The following CDH24 variants were observed in gnomAD, a reference collection of about 807,000 sequenced individuals.
CDH24 encodes cadherin 24, also known as cadherin-24.
In CDH24, 61 loss-of-function variants were observed where a neutral mutation model predicts 71.2. The observed-to-expected ratio is 0.86, with a 90% CI of 0.70 to 1.06. CDH24 has a LOEUF of 1.06. Among genes scored for constraint, CDH24 ranks in the 50% least tolerant of loss-of-function variants. The probability of loss-of-function intolerance (pLI) is 0.00; values close to 1 mark genes in which losing one functional copy is unlikely to be tolerated. For synonymous variants in CDH24, 440 were observed against 470.2 expected (o/e 0.94, Z 0.83); for missense variants, 961 against 1,083.7 (o/e 0.89, Z 1.59).
rs1382085346 is a variant in CDH24, at chr14:23,048,373, G to A, written c.1953C>T (p.Gly651=). The change falls in exon 12 of 13, where the codon GGC becomes GGT. Residue 651 remains glycine (G), a synonymous_variant. Coordinates refer to ENST00000487137, the MANE Select transcript of CDH24 (RefSeq NM_144985.4). ...AGGCCTCGGTGTCCTCCTCGCCGCC[G>A]CCCTCGTCGTCGTAGGTGATGATGT... ...RENIITYDDE[G]GGEEDTEAFD... The A allele has an allele frequency of 1.2e-6, 2 of 1,612,240 alleles. No homozygotes were observed. The highest frequency in any genetic ancestry group is 1.1e-5 in the South Asian group (1 of 91,076).
Position 23,049,901 on chromosome 14 carries a change from G to A in CDH24, c.1406C>T (p.Thr469Ile). The change falls in exon 9 of 13, where the codon ACC becomes ATC. Residue 469 changes from threonine to isoleucine, a missense_variant. Thr to Ile is a moderately conservative substitution (Grantham distance 89). This residue lies in a region of CDH24 where 671 missense variants were observed against 810.9 expected (regional missense o/e 0.83). Coordinates refer to ENST00000487137, the MANE Select transcript of CDH24 (RefSeq NM_144985.4). ...QASRVQVAIQTLDENDNAPQL... is the reference protein window; with the variant it reads ...QASRVQVAIQILDENDNAPQL... ...GGGAGCATTGTCATTCTCATCCAGG[G>A]TCTGGATGGCCACTTGCACGCGCGA... The A allele has an allele frequency of 6.2e-7, 1 of 1,613,958 alleles. No homozygotes were observed. Among genetic ancestry groups the A allele is most frequent in the Non-Finnish European group, 8.5e-7 (1 of 1,179,942 alleles).
In CDH24 at chr14:23,054,841, A is replaced by G. The variant is rs1428157190; in HGVS notation, c.522T>C (p.Ala174=). The G allele has an allele frequency of 1.2e-6, 2 of 1,613,572 alleles. No individual in the cohort carries two copies. The highest frequency in any genetic ancestry group is 1.7e-6 in the Non-Finnish European group (2 of 1,179,992). ...NVGTSVIQVT[A]HDADDPSYGN... ...CATAGCTGGGGTCATCAGCATCGTG[A>G]GCAGTCACCTGGATCACTGATGTCC... The change falls in exon 4 of 13, where the codon GCT becomes GCC. Residue 174 remains alanine (A), a synonymous_variant. Coordinates refer to ENST00000487137, the MANE Select transcript of CDH24 (RefSeq NM_144985.4). This position sits in a 1 kb window ranked among gnomAD's most constrained non-coding sequence, Gnocchi z 5.2.
intron 11 of CDH24, 45 bp from the exon 12 acceptor site, chr14:23,048,524 G>A (rs2047060772): frequency 6.3e-7 from 1 of 1,588,502 alleles, no homozygotes; most frequent in African/African-American, 1.3e-5. Context: ...GCAGGGCCGG[G>A]AGCGGGCGGC....
intron 1 of CDH24, among the ~76,000 whole-genome samples, chr14:23,056,153 AGG>A (rs1333029040): frequency 6.6e-6 from 1 of 152,210 alleles, no homozygotes; most frequent in Non-Finnish European, 1.5e-5. Flanking sequence ...CTGTCCTCCC[AGG>A]TTGGGCACGT....
rs375056197 is a variant in CDH24, at chr14:23,055,075, G to C, written c.480C>G (p.Pro160=). 3 of 1,611,438 alleles carry C rather than the reference G, an allele frequency of 1.9e-6. No individual in the cohort carries two copies. Among genetic ancestry groups the C allele is most frequent in the Admixed American group, 1.7e-5 (1 of 59,980 alleles). The change falls in exon 3 of 13, where the codon CCC becomes CCG. Residue 160 remains proline (P), a synonymous_variant. Coordinates refer to ENST00000487137, the MANE Select transcript of CDH24 (RefSeq NM_144985.4). This position sits in a 1 kb window ranked among gnomAD's most constrained non-coding sequence, Gnocchi z 4.1. ...FPLGPYHATV[P]EMSNVGTSVI... ...GGTGCTCACCGACATTGGACATCTC[G>C]GGCACGGTGGCATGGTAGGGCCCAA...
At position 23,054,660 on chromosome 14, in the gene CDH24, T is replaced by C; in HGVS notation, c.630A>G (p.Thr210=). 6.2e-7 allele frequency: 1 copy of C among 1,613,974 alleles called. No individual in the cohort carries two copies. The highest frequency in any genetic ancestry group is 8.5e-7 in the Non-Finnish European group (1 of 1,179,972). ...TCTCCCGGTCCATGTTGGGGATGGC[T>C]GTACGCACCACTCCTAGGGAGAGAT... The part of the protein sequence containing the change: ...SVDPQTGVVR[T]AIPNMDRETQ... Residue 210 remains threonine (T), a synonymous_variant, in exon 5 of 13, where the codon ACA becomes ACG. Transcript: ENST00000487137. The surrounding 1 kb of genome is among the most constrained non-coding windows in gnomAD (Gnocchi z 5.2).
chr14:23,047,918 C>T lies in CDH24; in HGVS notation c.*62G>A. The T allele has an allele frequency of 2.4e-6, 3 of 1,230,044 alleles. No homozygotes were observed. The highest frequency in any genetic ancestry group is 3.1e-6 in the Non-Finnish European group (3 of 973,316). 76.2% of individuals were successfully genotyped at this position (1,230,044 alleles called of 1,614,324 possible). A position where few individuals can be genotyped will look rare whatever the true frequency, so the allele number is the denominator to read the frequency against. ...TGCCGCCCGCCTGGACCCCGTGGGG[C>T]TCACTCAGAGGGCCTGTGCCCGCTG... is the stretch of plus-strand genomic sequence containing the variant. On this transcript the variant is annotated 3_prime_UTR_variant, in exon 12 of 13. Coordinates refer to ENST00000487137, the MANE Select transcript of CDH24 (RefSeq NM_144985.4).
Position 23,054,522 on chromosome 14 carries a change from G to A in CDH24, c.768C>T (p.Pro256=). The A allele has an allele frequency of 6.2e-7, 1 of 1,613,514 alleles. No individual in the cohort carries two copies. The highest frequency in any genetic ancestry group is 8.5e-7 in the Non-Finnish European group (1 of 1,179,644). Residue 256 remains proline (P), a synonymous_variant, in exon 5 of 13, where the codon CCC becomes CCT. Coordinates refer to ENST00000487137, the MANE Select transcript of CDH24 (RefSeq NM_144985.4). This position sits in a 1 kb window ranked among gnomAD's most constrained non-coding sequence, Gnocchi z 5.2. ...TVTLSDVNDN[P]PKFPQSLYQF... ...GCCCCTTACTCTGTGGGAACTTGGG[G>A]GGGTTGTCGTTGACATCGCTGAGCG...
chr14:23,049,201 G>A lies in CDH24; in HGVS notation c.1672C>T (p.Leu558=). The part of the protein sequence containing the change: ...RHAPYLVPIE[L]WDWGQPALSS... ...AGCGCCGGCTGCCCCCAGTCCCACAGTTCTATGGGAACCAAGTAGGGGGCA... is the reference window on the plus strand; with the variant it reads ...AGCGCCGGCTGCCCCCAGTCCCACAATTCTATGGGAACCAAGTAGGGGGCA... The change falls in exon 11 of 13, where the codon CTG becomes TTG. Residue 558 remains leucine, a synonymous_variant. Transcript: ENST00000487137. The A allele has an allele frequency of 1.9e-6, 3 of 1,575,702 alleles. No individual in the cohort carries two copies. Among genetic ancestry groups the A allele is most frequent in the Non-Finnish European group, 2.6e-6 (3 of 1,159,996 alleles).
chr14:23,048,039 C>T lies in CDH24; in HGVS notation c.2287G>A (p.Gly763Ser). ...TCGGCCAGGGTGCGGAAGAGCGGAC[C>T]CCAGTCGTCCAGCGGCTCCGCGGGG... ...PGPAEPLDDW[G>S]PLFRTLAELY... is the part of the protein sequence containing the mutation. The change falls in exon 12 of 13, where the codon GGT becomes AGT. Residue 763 changes from glycine to serine, a missense_variant. Transcript: ENST00000487137. The T allele has an allele frequency of 6.9e-7, 1 of 1,449,128 alleles. No homozygotes were observed. Among genetic ancestry groups the T allele is most frequent in the Non-Finnish European group, 9.0e-7 (1 of 1,106,222 alleles). 89.8% of individuals were successfully genotyped at this position (1,449,128 alleles called of 1,614,324 possible). A position where few individuals can be genotyped will look rare whatever the true frequency, so the allele number is the denominator to read the frequency against.
Position 23,054,753 on chromosome 14 carries a change from G to T in CDH24, c.610C>A (p.Gln204Lys), listed in dbSNP as rs1447815838. 6.2e-7 allele frequency: 1 copy of T among 1,614,126 alleles called. No individual in the cohort carries two copies. Among genetic ancestry groups the T allele is most frequent in the Admixed American group, 1.7e-5 (1 of 60,026 alleles). The stretch of plus-strand genomic sequence containing the variant: ...TCCCAGGCTCCATCCTCACCAGTCT[G>T]GGGGTCCACAGAGAAGAAAGGCAGT... The part of the protein sequence containing the change: ...DGLPFFSVDP[Q>K]TGVVRTAIPN... Residue 204 changes from glutamine to lysine, a missense_variant, in exon 4 of 13, where the codon CAG (glutamine) becomes AAG (lysine). Coordinates refer to ENST00000487137, the MANE Select transcript of CDH24 (RefSeq NM_144985.4). The surrounding 1 kb of genome is among the most constrained non-coding windows in gnomAD (Gnocchi z 5.2).
Position 23,051,484 on chromosome 14 carries a change from A to G in CDH24, c.1363+989T>C, listed in dbSNP as rs960944576. ...AAATTATCTGTCCACAAATACCCAC[A>G]TACACAAAACACATACAAACAGCTA... On this transcript the variant is annotated intron_variant, in intron 8 of 12. Transcript: ENST00000487137. The surrounding 1 kb of genome is among the most constrained non-coding windows in gnomAD (Gnocchi z 4.4). Among the ~76,000 whole-genome samples, 4 of 152,252 alleles carry G rather than the reference A, an allele frequency of 2.6e-5. No homozygotes were observed. Among genetic ancestry groups the G allele is most frequent in the East Asian group, 1.9e-4 (1 of 5,208 alleles).
chr14:23,049,673 T>C lies in CDH24; in HGVS notation c.1551A>G (p.Gln517=). ...AGTTGGCATCAGGGCCCAGAGGACC[T>C]TGAAAGGAGACATGGCTACTGTTGC... ...EVGNSSHVSF[Q]GPLGPDANFT... is the part of the protein sequence containing the mutation. The change falls in exon 10 of 13, where the codon CAA becomes CAG. Residue 517 remains glutamine (Q), a synonymous_variant. Transcript: ENST00000487137. 1 of 1,609,994 alleles carries C rather than the reference T, an allele frequency of 6.2e-7. No homozygotes were observed.
At chr14:23,052,353 C>G in intron 8 of CDH24, 120 bp downstream of exon 8, 1 of 1,086,524 alleles carries the variant, frequency 9.2e-7, no homozygotes. Flanking sequence ...CAGGCTAGGA[C>G]TCAGTGGCCG....
In CDH24 at chr14:23,057,507, T is replaced by TCCGCTGCAGGTCTGAGCGGCC. The variant is rs2047148521; in HGVS notation, c.-230_-229insGGCCGCTCAGACCTGCAGCGG. The TCCGCTGCAGGTCTGAGCGGCC allele has an allele frequency of 6.6e-6, 1 of 151,626 alleles. No homozygotes were observed. The highest frequency in any genetic ancestry group is 1.5e-5 in the Non-Finnish European group (1 of 67,880). 9.4% of individuals were successfully genotyped at this position (151,626 alleles called of 1,614,324 possible). Reference sequence around the variant, plus strand: ...AGCCGATTGGAGCGGGCGCCGCGGCTCCGCTGCAGGTCTGAGCGGCCCCGG... The same window carrying TCCGCTGCAGGTCTGAGCGGCC: ...AGCCGATTGGAGCGGGCGCCGCGGCTCCGCTGCAGGTCTGAGCGGCCCCGCTGCAGGTCTGAGCGGCCCCGG... On this transcript the variant is annotated 5_prime_UTR_variant, in exon 1 of 13. Coordinates refer to ENST00000487137, the MANE Select transcript of CDH24 (RefSeq NM_144985.4). This position sits in a 1 kb window ranked among gnomAD's most constrained non-coding sequence, Gnocchi z 5.4.
At chr14:23,056,106 G>A (rs2047128032) in intron 1 of CDH24, among the ~76,000 whole-genome samples, 1 of 152,232 alleles carries the variant, frequency 6.6e-6, no homozygotes. Flanking sequence ...CACAGGAGAG[G>A]GGATGCTGGG....
Position 23,055,136 on chromosome 14 carries a change from A to C in CDH24, c.419T>G (p.Val140Gly). ...LEPPSEFIIK[V>G]QDINDNPPIF... ...GGGTGGATTGTCGTTGATGTCTTGC[A>C]CTTTGATGATGAACTCTGATGGGGG... is the stretch of plus-strand genomic sequence containing the variant. Residue 140 changes from valine to glycine, a missense_variant, in exon 3 of 13, where the codon GTG becomes GGG. By Grantham distance (109) the Val-to-Gly change is moderately radical. Transcript: ENST00000487137. The surrounding 1 kb of genome is among the most constrained non-coding windows in gnomAD (Gnocchi z 4.1). The C allele has an allele frequency of 1.2e-6, 2 of 1,614,062 alleles. No homozygotes were observed. Among genetic ancestry groups the C allele is most frequent in the Non-Finnish European group, 1.7e-6 (2 of 1,180,004 alleles).
rs1042704747 is a variant in CDH24, at chr14:23,057,351, C to G, written c.-125+52G>C. 7 of 152,000 alleles carry G rather than the reference C, an allele frequency of 4.6e-5. No homozygotes were observed. Among genetic ancestry groups the G allele is most frequent in the Non-Finnish European group, 7.4e-5 (5 of 67,972 alleles). 9.4% of individuals were successfully genotyped at this position (152,000 alleles called of 1,614,324 possible). A position where few individuals can be genotyped will look rare whatever the true frequency, so the allele number is the denominator to read the frequency against. On this transcript the variant is annotated intron_variant, in intron 1 of 12. Transcript: ENST00000487137. The surrounding 1 kb of genome is among the most constrained non-coding windows in gnomAD (Gnocchi z 5.4). ...AAGACCCCCGCAGGCTGCGGGCCCCCTCCTACCCCTCCGCGGATTCCCGAC... is the reference window on the plus strand; with the variant it reads ...AAGACCCCCGCAGGCTGCGGGCCCCGTCCTACCCCTCCGCGGATTCCCGAC...
chr14:23,047,953 C>CT lies in CDH24; in HGVS notation c.*26_*27insA. The CT allele has an allele frequency of 7.7e-7, 1 of 1,292,352 alleles. No individual in the cohort carries two copies. Among genetic ancestry groups the CT allele is most frequent in the Non-Finnish European group, 9.8e-7 (1 of 1,023,468 alleles). 80.1% of individuals were successfully genotyped at this position (1,292,352 alleles called of 1,614,324 possible). ...GGGCCTGTGCCCGCTGCCCCCCCCC[C>CT]GCGGTGGGCCGGGCCAGCCCGGGCG... On this transcript the variant is annotated 3_prime_UTR_variant, in exon 12 of 13. Coordinates refer to ENST00000487137, the MANE Select transcript of CDH24 (RefSeq NM_144985.4).
Sources: gnomAD v4.1 joint callset for allele counts (sites outside exome capture counted in the v4.1 genomes callset) on GRCh38, gnomAD v4.1.1 for gene constraint, gnomAD v4.1.1 regional missense constraint, Gnocchi (gnomAD v3.1) non-coding constraint, MANE v1.5 for transcripts, NCBI Gene and HGNC (gene_info 2026-07-23, HGNC 2026-07-21) for gene names.